The following LAMA2 variants were observed in gnomAD, a reference collection of about 807,000 sequenced individuals.
LAMA2 encodes laminin subunit alpha-2.
Under a neutral mutation model 364.8 loss-of-function variants are expected in LAMA2, and 269 were observed. The ratio of observed to expected loss-of-function variants is 0.74; its 90% CI spans 0.67 to 0.82. The LOEUF is 0.82. Among genes scored for constraint, LAMA2 ranks in the 40% least tolerant of loss-of-function variants. The pLI is 0.00. For missense variants in LAMA2, 3,807 were observed against 3,873.2 expected (o/e 0.98, Z 0.45); for synonymous variants, 1,379 against 1,370.6 (o/e 1.01, Z -0.14).
intron 34 of LAMA2, among the ~76,000 whole-genome samples, chr6:129,372,208 T>C (rs1778129392): frequency 6.6e-6 from 1 of 152,158 alleles, no homozygotes; most frequent in South Asian, 2.1e-4. Flanking sequence ...GTACATTCTA[T>C]GGGTTTGGAA....
intron 18 of LAMA2, 66 bp downstream of exon 18, chr6:129,280,213 AATCATCCTTTGC>A (rs1377899207): frequency 9.9e-7 from 1 of 1,011,968 alleles, no homozygotes; most frequent in Non-Finnish European, 1.6e-6. Flanking sequence ...CCGCAGATAC[AATCATCCTTTGC>A]ATCATCCTTT....
chr6:129,173,136 G>A (rs1019483994), intron 9 of LAMA2, among the ~76,000 whole-genome samples: 11 of 152,192 alleles, frequency 7.2e-5, no homozygotes, highest in African/African-American at 1.7e-4. Context: ...CGTCTTCTGC[G>A]TCGCTCACGC....
chr6:129,460,468 A>C, intron 49 of LAMA2, 144 bp downstream of exon 49: 1 of 882,070 alleles, frequency 1.1e-6, no homozygotes, highest in African/African-American at 1.7e-5. Flanking sequence ...CCACAAAACT[A>C]ATGAATCTTC....
chr6:129,459,815 G>T (rs1180212065), intron 48 of LAMA2, among the ~76,000 whole-genome samples: 1 of 152,016 alleles, frequency 6.6e-6, no homozygotes, highest in Non-Finnish European at 1.5e-5. Context: ...ACTGAGATTG[G>T]TGTCATAAAT....
intron 1 of LAMA2, among the ~76,000 whole-genome samples, chr6:128,937,606 C>T (rs13192715): frequency 2.6e-5 from 4 of 151,774 alleles, no homozygotes; most frequent in African/African-American, 4.8e-5. Context: ...TCATAGCAGT[C>T]TCTATGATCC....
intron 45 of LAMA2, among the ~76,000 whole-genome samples, chr6:129,448,001 G>A (rs1782476246): frequency 6.6e-6 from 1 of 152,130 alleles, no homozygotes; most frequent in South Asian, 2.1e-4. Flanking sequence ...TAAAAGAAAA[G>A]TATAGGCTGG....
At chr6:129,319,419 C>T (rs1156913218) in intron 27 of LAMA2, among the ~76,000 whole-genome samples, 2 of 151,998 alleles carry the variant, frequency 1.3e-5, no homozygotes, top group Non-Finnish European at 2.9e-5. Context: ...ATCAGACATC[C>T]AATATACTAA....
chr6:129,318,268 C>T (rs1350506432), intron 27 of LAMA2, among the ~76,000 whole-genome samples: 2 of 151,980 alleles, frequency 1.3e-5, no homozygotes, highest in Admixed American at 1.3e-4. Flanking sequence ...TCAGTGCTGG[C>T]ATTATCTTTT....
At chr6:129,454,428 G>C (rs1174413819) in intron 47 of LAMA2, 140 bp downstream of exon 47, 1 of 666,282 alleles carries the variant, frequency 1.5e-6, no homozygotes, top group Non-Finnish European at 2.6e-6. Context: ...TTTTATACAT[G>C]TCTGGGAGTG....
At chr6:129,257,391 A>G (rs1786771066) in intron 14 of LAMA2, among the ~76,000 whole-genome samples, 1 of 152,140 alleles carries the variant, frequency 6.6e-6, no homozygotes, top group Non-Finnish European at 1.5e-5. Context: ...GAATGGTTAC[A>G]CAGATTAAGG....
chr6:129,179,909 G>A (rs984334764), intron 10 of LAMA2, among the ~76,000 whole-genome samples: 2 of 152,010 alleles, frequency 1.3e-5, no homozygotes, highest in African/African-American at 2.4e-5. Flanking sequence ...AATATGCCAC[G>A]ATGAGTTATA....
chr6:129,409,075 T>A (rs370295490), intron 40 of LAMA2, among the ~76,000 whole-genome samples: 1 of 152,186 alleles, frequency 6.6e-6, no homozygotes, highest in South Asian at 2.1e-4. Flanking sequence ...GCACATTAAT[T>A]AGTATATAAT....
chr6:129,255,108 G>A (rs1163807418), intron 14 of LAMA2, among the ~76,000 whole-genome samples: 2 of 151,654 alleles, frequency 1.3e-5, no homozygotes, highest in Non-Finnish European at 2.9e-5. Context: ...GCAATCAGAA[G>A]ATTAAAAAAC....
intron 8 of LAMA2, among the ~76,000 whole-genome samples, chr6:129,164,275 C>G (rs1009488884): frequency 6.6e-6 from 1 of 152,156 alleles, no homozygotes; most frequent in Non-Finnish European, 1.5e-5. Context: ...CCTGGTGCGA[C>G]AGAGCAAGAT....
At chr6:129,254,753 A>G (rs1385804969) in intron 14 of LAMA2, among the ~76,000 whole-genome samples, 1 of 152,236 alleles carries the variant, frequency 6.6e-6, no homozygotes. Context: ...AGAATATAAG[A>G]GAAATCAACC....
chr6:128,956,861 T>C (rs1289156636), intron 1 of LAMA2, among the ~76,000 whole-genome samples: 1 of 152,068 alleles, frequency 6.6e-6, no homozygotes, highest in African/African-American at 2.4e-5. Context: ...TGATGGATTT[T>C]ATGTGTGACT....
At chr6:129,300,268 A>G (rs1773468011) in intron 21 of LAMA2, among the ~76,000 whole-genome samples, 1 of 152,206 alleles carries the variant, frequency 6.6e-6, no homozygotes, top group Non-Finnish European at 1.5e-5. Context: ...AACTATATAC[A>G]TGATGTACCG....
At chr6:129,165,529 G>T (rs903465331) in intron 8 of LAMA2, 47 bp from the exon 9 acceptor site, 3 of 1,265,132 alleles carry the variant, frequency 2.4e-6, no homozygotes, top group Non-Finnish European at 1.1e-6. Context: ...GAAAAATATT[G>T]CTGTTTCTAT....
At chr6:129,330,053 T>G (rs1380874928) in intron 29 of LAMA2, among the ~76,000 whole-genome samples, 2 of 151,650 alleles carry the variant, frequency 1.3e-5, no homozygotes, top group African/African-American at 4.8e-5. Context: ...TGATCAATGA[T>G]CTGTCACTGT....
Sources: gnomAD v4.1 joint callset for allele counts (sites outside exome capture counted in the v4.1 genomes callset) on GRCh38, gnomAD v4.1.1 for gene constraint, MANE v1.5 for transcripts, NCBI Gene and HGNC (gene_info 2026-07-23, HGNC 2026-07-21) for gene names.